The following LRRC9 variants were observed in gnomAD, a reference collection of about 807,000 sequenced individuals.
LRRC9 encodes the protein leucine rich repeat containing 9.
A neutral mutation model predicts 63.2 loss-of-function variants in LRRC9; 122 were observed. That is an observed-to-expected ratio of 1.93 (90% CI 1.67 to 2.24). The LOEUF (loss-of-function observed/expected upper bound fraction) is 2.24. Ranked by LOEUF, LRRC9 falls within the 30% of genes most tolerant of loss-of-function variation. The probability of loss-of-function intolerance (pLI) is 0.00; values close to 1 mark genes in which losing one functional copy is unlikely to be tolerated. For missense variants in LRRC9, 1,071 were observed against 627.7 expected, an observed-to-expected ratio of 1.71 and a Z score of -7.55; for synonymous variants, 366 against 213.1, an observed-to-expected ratio of 1.72 and a Z score of -6.25.
At chr14:60,038,125 A>C (rs1037286126) in intron 29 of LRRC9, among the ~76,000 whole-genome samples, 1 of 152,098 alleles carries the variant, frequency 6.6e-6, no homozygotes, top group Non-Finnish European at 1.5e-5. Context: ...ATTGGTCTAT[A>C]TCTCTGTTTT....
In LRRC9 at chr14:59,962,718, A is replaced by T. The variant is rs1884471728; in HGVS notation, c.1211+1673A>T. ...GTGCCCAGCTCCAAACAGGATTTTT[A>T]AAAATTATTTGTTTCTTTTTAAATT... On this transcript the variant is annotated intron_variant, in intron 10 of 31. Coordinates refer to ENST00000445360, the Ensembl canonical transcript of LRRC9. This position sits in a 1 kb window ranked among gnomAD's most constrained non-coding sequence, Gnocchi z 5.1. Among the ~76,000 whole-genome samples the T allele has an allele frequency of 6.6e-6, 1 of 152,106 alleles. No homozygotes were observed. Among genetic ancestry groups the T allele is most frequent in the Non-Finnish European group, 1.5e-5 (1 of 68,012 alleles).
In LRRC9 at chr14:60,060,732, C is replaced by A. The variant is rs966771147; in HGVS notation, c.4277-2591C>A. 6.6e-6 allele frequency among the ~76,000 whole-genome samples: 1 copy of A among 152,028 alleles called. No homozygotes were observed. The highest frequency in any genetic ancestry group is 1.5e-5 in the Non-Finnish European group (1 of 68,022). ...CTCCAGCCTGGGTGACAGAGCAAGA[C>A]TCCATCTCAAAAAATAAAATAAAAT... is the stretch of plus-strand genomic sequence containing the variant. On this transcript the variant is annotated intron_variant, in intron 31 of 31. Transcript: ENST00000445360. The surrounding 1 kb of genome is among the most constrained non-coding windows in gnomAD (Gnocchi z 4.0).
chr14:60,052,661 A>C (rs1333003743), intron 29 of LRRC9, among the ~76,000 whole-genome samples: 1 of 152,240 alleles, frequency 6.6e-6, no homozygotes, highest in Non-Finnish European at 1.5e-5. Context: ...TCAAATTTTT[A>C]GAGTAGGTTG....
intron 8 of LRRC9, among the ~76,000 whole-genome samples, chr14:59,955,936 T>C (rs1218559221): frequency 1.3e-5 from 2 of 152,150 alleles, no homozygotes; most frequent in Non-Finnish European, 2.9e-5. Flanking sequence ...ATTTCCATAT[T>C]TTTGTGTGGG....
chr14:60,055,542 G>A (rs1894206045), intron 30 of LRRC9, among the ~76,000 whole-genome samples: 1 of 151,998 alleles, frequency 6.6e-6, no homozygotes, highest in African/African-American at 2.4e-5. Flanking sequence ...AACACATATT[G>A]TCTTACAGTT....
chr14:60,021,818 A>G (rs141678563), intron 26 of LRRC9, among the ~76,000 whole-genome samples: 134 of 151,876 alleles, frequency 8.8e-4, no homozygotes, highest in African/African-American at 3.0e-3. Context: ...TTATTTATGT[A>G]CTCAGTTCTG....
rs1161199838 is a variant in LRRC9, at chr14:59,938,490, C to A, written c.644C>A (p.Thr215Lys). 94 of 698,244 alleles carry A rather than the reference C, an allele frequency of 1.3e-4. No homozygotes were observed. The highest frequency in any genetic ancestry group is 2.2e-4 in the Non-Finnish European group (83 of 382,920). The allele number at this position is 698,244 out of a possible 1,614,324, so 43.3% of individuals were successfully genotyped here. A position where few individuals can be genotyped will look rare whatever the true frequency, so the allele number is the denominator to read the frequency against. The change falls in exon 7 of 32, where the codon ACA (threonine) becomes AAA (lysine). Residue 215 changes from threonine (T) to lysine (K), a missense_variant. Coordinates refer to ENST00000445360, the Ensembl canonical transcript of LRRC9. This position sits in a 1 kb window ranked among gnomAD's most constrained non-coding sequence, Gnocchi z 4.2. ...GTTTGTCTTCTGTGTAATTATTCCACACATGTATTATATCATTTGCCTTGC... is the reference window on the plus strand; with the variant it reads ...GTTTGTCTTCTGTGTAATTATTCCAAACATGTATTATATCATTTGCCTTGC...
At chr14:59,983,292 T>C (rs898812964) in intron 16 of LRRC9, among the ~76,000 whole-genome samples, 1 of 152,210 alleles carries the variant, frequency 6.6e-6, no homozygotes, top group Non-Finnish European at 1.5e-5. Context: ...TCTAGAGTTA[T>C]GCAACAGAGG....
In LRRC9 at chr14:59,927,249, A is replaced by T. The variant is rs1157546531; in HGVS notation, c.-33-662A>T. 1.3e-5 allele frequency among the ~76,000 whole-genome samples: 2 copies of T among 152,094 alleles called. No homozygotes were observed. The highest frequency in any genetic ancestry group is 2.9e-5 in the Non-Finnish European group (2 of 67,952). The stretch of plus-strand genomic sequence containing the variant: ...CTAAATCTCGCTTTGTCAGTTCATT[A>T]TATTAAAGGCAGGATTCTTATATTT... On this transcript the variant is annotated intron_variant, in intron 1 of 31. Transcript: ENST00000445360. This position sits in a 1 kb window ranked among gnomAD's most constrained non-coding sequence, Gnocchi z 4.4.
intron 7 of LRRC9, among the ~76,000 whole-genome samples, chr14:59,939,010 TAC>T (rs1252842365): frequency 1.7e-5 from 2 of 114,510 alleles, no homozygotes; most frequent in Non-Finnish European, 1.8e-5. Context: ...TATACATATA[TAC>T]ACATATATAT....
chr14:60,008,352 G>A (rs1889984260), intron 23 of LRRC9, 138 bp downstream of exon 23: 5 of 487,134 alleles, frequency 1.0e-5, no homozygotes, highest in African/African-American at 2.0e-5. Context: ...GGTCTCCAAA[G>A]CTTATTTTAG....
chr14:60,012,605 T>C (rs1451878708), intron 23 of LRRC9, among the ~76,000 whole-genome samples: 1 of 152,214 alleles, frequency 6.6e-6, no homozygotes, highest in Non-Finnish European at 1.5e-5. Flanking sequence ...CTGAAATAGA[T>C]TGTCAAACAA....
intron 16 of LRRC9, among the ~76,000 whole-genome samples, chr14:59,984,080 C>T (rs1386950586): frequency 6.6e-6 from 1 of 152,120 alleles, no homozygotes; most frequent in Admixed American, 6.5e-5. Context: ...AGAGGGAAAG[C>T]AGGTGATCAA....
At chr14:59,989,834 T>A (rs1887866570) in intron 17 of LRRC9, among the ~76,000 whole-genome samples, 2 of 152,204 alleles carry the variant, frequency 1.3e-5, no homozygotes, top group Non-Finnish European at 2.9e-5. Context: ...GATCTTCCTC[T>A]TCTGTTGTTT....
At chr14:59,997,980 C>A (rs1594982429) in intron 18 of LRRC9, 133 bp downstream of exon 18, 3 of 552,934 alleles carry the variant, frequency 5.4e-6, no homozygotes, top group East Asian at 2.9e-5. Context: ...TCCTTGAAGT[C>A]ATTCATAAAT....
At chr14:59,982,094 G>T in intron 16 of LRRC9, 34 bp downstream of exon 16, 2 of 665,630 alleles carry the variant, frequency 3.0e-6, no homozygotes, top group South Asian at 1.6e-5. Context: ...TTTGAGACAG[G>T]AATCTTGAAT....
intron 16 of LRRC9, among the ~76,000 whole-genome samples, chr14:59,984,309 G>A (rs1191918606): frequency 6.6e-6 from 1 of 152,090 alleles, no homozygotes; most frequent in Non-Finnish European, 1.5e-5. Flanking sequence ...ATTTTGTTAT[G>A]TCCACAATAT....
At chr14:59,944,038 A>G (rs1256538720) in intron 7 of LRRC9, among the ~76,000 whole-genome samples, 1 of 152,024 alleles carries the variant, frequency 6.6e-6, no homozygotes, top group Non-Finnish European at 1.5e-5. Flanking sequence ...AAATTTATTA[A>G]TAACTGAATG....
At chr14:59,931,743 A>G in intron 5 of LRRC9, 61 bp downstream of exon 5, 1 of 643,324 alleles carries the variant, frequency 1.6e-6, no homozygotes, top group South Asian at 1.7e-5. Flanking sequence ...TCAATATAAA[A>G]AGTACATGCT....
Sources: gnomAD v4.1 joint callset for allele counts (sites outside exome capture counted in the v4.1 genomes callset) on GRCh38, gnomAD v4.1.1 for gene constraint, Gnocchi (gnomAD v3.1) non-coding constraint, MANE v1.5 for transcripts, NCBI Gene and HGNC (gene_info 2026-07-23, HGNC 2026-07-21) for gene names.